Variants in SIRT1 observed in about 807,000 individuals in gnomAD.
SIRT1 encodes sirtuin 1, also known as NAD-dependent protein deacetylase sirtuin-1.
In SIRT1, 24 loss-of-function variants were observed where a neutral mutation model predicts 67.9. That is an observed-to-expected ratio of 0.35 (90% CI 0.26 to 0.50). The LOEUF (loss-of-function observed/expected upper bound fraction) is 0.50, where lower values mean the gene tolerates loss of function less well. Among genes scored for constraint, SIRT1 ranks in the 20% least tolerant of loss-of-function variants. SIRT1 has a pLI of 0.98. For missense variants in SIRT1, 873 were observed against 937.2 expected, an observed-to-expected ratio of 0.93 and a Z score of 0.89; for synonymous variants, 378 against 350.7, an observed-to-expected ratio of 1.08 and a Z score of -0.87.
intron 2 of SIRT1, among the ~76,000 whole-genome samples, 196 bp downstream of exon 2, chr10:67,887,729 A>T (rs1415802403): frequency 6.6e-6 from 1 of 152,116 alleles, no homozygotes; most frequent in Non-Finnish European, 1.5e-5. Flanking sequence ...TGCATATGCC[A>T]CTACGCCCGG....
At chr10:67,889,630 T>G (rs950580191) in intron 3 of SIRT1, among the ~76,000 whole-genome samples, 1 of 152,212 alleles carries the variant, frequency 6.6e-6, no homozygotes, top group African/African-American at 2.4e-5. Context: ...TGCAGCTAAT[T>G]AGTTACCTAA....
intron 7 of SIRT1, among the ~76,000 whole-genome samples, chr10:67,910,067 TG>T (rs111777377): frequency 0.012 from 1,761 of 151,858 alleles, 25 homozygotes; most frequent in African/African-American, 0.04. Context: ...GACATTTTGA[TG>T]GGGGGTGGAG....
intron 4 of SIRT1, among the ~76,000 whole-genome samples, chr10:67,904,498 C>T (rs529588610): frequency 3.3e-5 from 5 of 152,238 alleles, no homozygotes; most frequent in Non-Finnish European, 7.4e-5. Context: ...CCATTTCATA[C>T]TTGACAGAAA....
intron 8 of SIRT1, 101 bp from the exon 9 acceptor site, chr10:67,916,164 T>C: frequency 9.5e-7 from 1 of 1,049,492 alleles, no homozygotes; most frequent in Non-Finnish European, 1.4e-6. Flanking sequence ...ATAAGGACAC[T>C]TATAATAAAG....
intron 2 of SIRT1, among the ~76,000 whole-genome samples, chr10:67,887,973 C>T (rs1842512551): frequency 6.6e-6 from 1 of 152,130 alleles, no homozygotes; most frequent in Non-Finnish European, 1.5e-5. Context: ...GTACACTTAC[C>T]ACTTCTTGAA....
At position 67,885,082 on chromosome 10, in the gene SIRT1, T is replaced by C; in HGVS notation, c.361T>C (p.Tyr121His). 6.9e-7 allele frequency: 1 copy of C among 1,446,116 alleles called. No individual in the cohort carries two copies. Among genetic ancestry groups the C allele is most frequent in the South Asian group, 1.4e-5 (1 of 73,168 alleles). The allele number at this position is 1,446,116 out of a possible 1,614,324, so 89.6% of individuals were successfully genotyped here. A position where few individuals can be genotyped will look rare whatever the true frequency, so the allele number is the denominator to read the frequency against. Residue 121 changes from tyrosine to histidine, a missense_variant, in exon 1 of 9, where the codon TAC becomes CAC. Coordinates refer to ENST00000212015, the MANE Select transcript of SIRT1 (RefSeq NM_012238.5). ...GGAGCCACCGCTGGCCGACAACTTG[T>C]ACGACGAAGACGACGACGACGAGGG... ...SREPPLADNL[Y>H]DEDDDDEGEE...
At chr10:67,914,543 T>C (rs1175941420) in intron 8 of SIRT1, among the ~76,000 whole-genome samples, 1 of 152,108 alleles carries the variant, frequency 6.6e-6, no homozygotes. Context: ...AGTAGAAAAA[T>C]TGCTACTGAC....
At position 67,917,205 on chromosome 10, in the gene SIRT1, TCTTTA is replaced by T. The variant is rs2029949760; in HGVS notation, c.*617_*621del. On this transcript the variant is annotated 3_prime_UTR_variant, in exon 9 of 9. Transcript: ENST00000212015. ...AATATGTGGGGAGAGCACTCGGTTG[TCTTTA>T]CTTTTAAAAGTAATACTTGGTGCTA... 6.6e-6 allele frequency: 1 copy of T among 152,646 alleles called. No individual in the cohort carries two copies. Among genetic ancestry groups the T allele is most frequent in the South Asian group, 2.1e-4 (1 of 4,834 alleles). 9.5% of individuals were successfully genotyped at this position (152,646 alleles called of 1,614,324 possible). A position where few individuals can be genotyped will look rare whatever the true frequency, so the allele number is the denominator to read the frequency against.
chr10:67,897,544 A>T (rs765727015), intron 4 of SIRT1, among the ~76,000 whole-genome samples: 1 of 151,998 alleles, frequency 6.6e-6, no homozygotes, highest in Non-Finnish European at 1.5e-5. Flanking sequence ...TTGTATTTTT[A>T]GTAGAGACGG....
chr10:67,892,033 T>A (rs1279855036), intron 4 of SIRT1, among the ~76,000 whole-genome samples: 1 of 152,152 alleles, frequency 6.6e-6, no homozygotes, highest in Non-Finnish European at 1.5e-5. Flanking sequence ...ATTATTCTGC[T>A]CTAGAGTTGC....
At chr10:67,911,124 T>G (rs1842893107) in intron 7 of SIRT1, among the ~76,000 whole-genome samples, 1 of 152,200 alleles carries the variant, frequency 6.6e-6, no homozygotes, top group Admixed American at 6.5e-5. Flanking sequence ...ACATGAAAAT[T>G]TAATATACAA....
rs1352430885 is a variant in SIRT1, at chr10:67,888,941, A to G, written c.607A>G (p.Lys203Glu). The G allele has an allele frequency of 6.2e-6, 10 of 1,613,864 alleles. No individual in the cohort carries two copies. Among genetic ancestry groups the G allele is most frequent in the African/African-American group, 1.3e-5 (1 of 74,928 alleles). The stretch of plus-strand genomic sequence containing the variant: ...TGGCACAGATCCTCGAACAATTCTT[A>G]AAGATTTATTGCCGGAAACAATACC... Reference protein sequence around the residue: ...MIGTDPRTILKDLLPETIPPP... With the variant: ...MIGTDPRTILEDLLPETIPPP... The change falls in exon 3 of 9, where the codon AAA becomes GAA. Residue 203 changes from lysine to glutamate, a missense_variant. Lys to Glu is a moderately conservative substitution (Grantham distance 56). Around this residue, in one of 3 missense-constraint regions of SIRT1, gnomAD observed 251 missense variants for 358.8 expected, o/e 0.70. Coordinates refer to ENST00000212015, the MANE Select transcript of SIRT1 (RefSeq NM_012238.5).
In SIRT1 at chr10:67,893,675, G is replaced by A. The variant is rs1025858636; in HGVS notation, c.942+2121G>A. ...TTCTCCTGCCTCAGCCTTCCGAGTT[G>A]TTGGGACTACAGGCGCGTGCTGCCA... On this transcript the variant is annotated intron_variant, in intron 4 of 8. Transcript: ENST00000212015. Among the ~76,000 whole-genome samples the A allele has an allele frequency of 3.3e-5, 5 of 151,562 alleles. No individual in the cohort carries two copies. The South Asian group carries it at 1.0e-3, about 31-fold the overall frequency.
In SIRT1 at chr10:67,885,074, A is replaced by G. The variant is rs1842453200; in HGVS notation, c.353A>G (p.Asp118Gly). 2.1e-6 allele frequency: 3 copies of G among 1,440,750 alleles called. No homozygotes were observed. Among genetic ancestry groups the G allele is most frequent in the Admixed American group, 2.7e-5 (1 of 36,392 alleles). The allele number at this position is 1,440,750 out of a possible 1,614,324, so 89.2% of individuals were successfully genotyped here. The change falls in exon 1 of 9, where the codon GAC becomes GGC. Residue 118 changes from aspartate (D) to glycine (G), a missense_variant. Asp to Gly is a moderately conservative substitution (Grantham distance 94). This residue lies in a region of SIRT1 where 327 missense variants were observed against 283.9 expected (regional missense o/e 1.15). Transcript: ENST00000212015. The part of the protein sequence containing the change: ...QGPSREPPLA[D>G]NLYDEDDDDE... Reference sequence around the variant, plus strand: ...CCATCTCGGGAGCCACCGCTGGCCGACAACTTGTACGACGAAGACGACGAC... The same window carrying G: ...CCATCTCGGGAGCCACCGCTGGCCGGCAACTTGTACGACGAAGACGACGAC...
chr10:67,911,645 T>G (rs1423967624), intron 7 of SIRT1, among the ~76,000 whole-genome samples: 1 of 114,560 alleles, frequency 8.7e-6, no homozygotes, highest in Non-Finnish European at 1.7e-5. Flanking sequence ...CCGTTTGTCC[T>G]TCCTTCCATT....
chr10:67,904,057 G>A (rs1842783118), intron 4 of SIRT1, among the ~76,000 whole-genome samples: 1 of 151,456 alleles, frequency 6.6e-6, no homozygotes, highest in Non-Finnish European at 1.5e-5. Context: ...CTTAGGAGGA[G>A]TGGTATATTA....
At position 67,916,367 on chromosome 10, in the gene SIRT1, G is replaced by T; in HGVS notation, c.2018G>T (p.Ser673Ile). 1.2e-6 allele frequency: 2 copies of T among 1,614,178 alleles called. No homozygotes were observed. Among genetic ancestry groups the T allele is most frequent in the African/African-American group, 1.3e-5 (1 of 75,048 alleles). ...GTCTTATCCTCTAGTTCTTGTGGCA[G>T]TAACAGTGATAGTGGGACATGCCAG... ...DDVLSSSSCG[S>I]NSDSGTCQSP... The change falls in exon 9 of 9, where the codon AGT (serine) becomes ATT (isoleucine). Residue 673 changes from serine to isoleucine, a missense_variant. By Grantham distance (142) the Ser-to-Ile change is moderately radical. Transcript: ENST00000212015.
At chr10:67,888,267 CAT>C (rs1427431941) in intron 2 of SIRT1, among the ~76,000 whole-genome samples, 2 of 152,138 alleles carry the variant, frequency 1.3e-5, no homozygotes, top group Admixed American at 6.5e-5. Context: ...ATTATTTAAA[CAT>C]AGTGAAGATC....
At chr10:67,915,352 A>G (rs2029881378) in intron 8 of SIRT1, among the ~76,000 whole-genome samples, 3 of 152,188 alleles carry the variant, frequency 2.0e-5, no homozygotes, top group Non-Finnish European at 4.4e-5. Context: ...AAGGATAGAA[A>G]ACTTTTCCAT....
Sources: gnomAD v4.1 joint callset for allele counts (sites outside exome capture counted in the v4.1 genomes callset) on GRCh38, gnomAD v4.1.1 for gene constraint, gnomAD v4.1.1 regional missense constraint, MANE v1.5 for transcripts, NCBI Gene and HGNC (gene_info 2026-07-23, HGNC 2026-07-21) for gene names.